The following BLTP1 variants were observed in gnomAD, a reference collection of about 807,000 sequenced individuals.
BLTP1 encodes the protein fragile site-associated protein.
chr4:122,291,161 G>C, the BLTP1 span, among the ~76,000 whole-genome samples: 2 of 152,184 alleles, frequency 1.3e-5, no homozygotes, highest in East Asian at 3.8e-4. Context: ...GCTGTTTACT[G>C]TGAGAGAATC....
At chr4:122,161,377 G>T in the BLTP1 span, among the ~76,000 whole-genome samples, 1 of 151,480 alleles carries the variant, frequency 6.6e-6, no homozygotes, top group Admixed American at 6.6e-5. Context: ...ATACTGTAAT[G>T]AGATCTCTTC....
chr4:122,185,910 T>C, the BLTP1 span: 1 of 708,564 alleles, frequency 1.4e-6, no homozygotes, highest in Non-Finnish European at 2.1e-6. Context: ...TTAATATGCT[T>C]CTCTGTATCA....
At chr4:122,313,736 A>G in the BLTP1 span, 37 of 1,108,652 alleles carry the variant, frequency 3.3e-5, no homozygotes, top group African/African-American at 4.9e-4. Flanking sequence ...TTCTGCCTTT[A>G]TTTTAATGGC....
chr4:122,339,695 A>G, the BLTP1 span, among the ~76,000 whole-genome samples: 2 of 152,136 alleles, frequency 1.3e-5, no homozygotes, highest in Non-Finnish European at 2.9e-5. Context: ...TAACTACTAT[A>G]TAATAATCCA....
the BLTP1 span, among the ~76,000 whole-genome samples, chr4:122,176,422 AT>A: frequency 3.9e-5 from 6 of 152,218 alleles, no homozygotes; most frequent in Non-Finnish European, 1.5e-5. Context: ...AAGGCATCAC[AT>A]TTTACCAAAA....
chr4:122,209,401 T>G, the BLTP1 span: 2 of 1,522,778 alleles, frequency 1.3e-6, no homozygotes, highest in South Asian at 1.2e-5. Flanking sequence ...TCCCAGCACT[T>G]TGGGAGGCCG....
At chr4:122,174,523 C>G in the BLTP1 span, 1 of 1,593,838 alleles carries the variant, frequency 6.3e-7, no homozygotes, top group Non-Finnish European at 8.5e-7. Context: ...AAGGGCCCTA[C>G]TGTCTGTTAA....
the BLTP1 span, chr4:122,274,529 A>G: frequency 1.7e-5 from 25 of 1,491,302 alleles, no homozygotes; most frequent in Non-Finnish European, 2.2e-5. Flanking sequence ...AGGTTTGTAT[A>G]TACAATATCA....
the BLTP1 span, chr4:122,203,847 G>T: frequency 1.9e-6 from 1 of 526,958 alleles, no homozygotes; most frequent in African/African-American, 2.1e-5. Flanking sequence ...CACATGAGTT[G>T]TTAAAGAATA....
chr4:122,168,776 G>A, the BLTP1 span, among the ~76,000 whole-genome samples: 1,863 of 152,120 alleles, frequency 0.012, 38 homozygotes, highest in African/African-American at 0.042. Context: ...TCTAGCTCCT[G>A]CGTTTAGGTT....
the BLTP1 span, among the ~76,000 whole-genome samples, chr4:122,155,692 G>A: frequency 6.6e-6 from 1 of 152,162 alleles, no homozygotes; most frequent in African/African-American, 2.4e-5. Flanking sequence ...TGGGAGCTTA[G>A]CAAAATTAAT....
At chr4:122,222,115 C>T in the BLTP1 span, among the ~76,000 whole-genome samples, 2 of 152,304 alleles carry the variant, frequency 1.3e-5, no homozygotes, top group African/African-American at 4.8e-5. Flanking sequence ...CGATTGTTGA[C>T]AACTTACCCC....
At chr4:122,346,493 G>A in the BLTP1 span, 1 of 1,389,132 alleles carries the variant, frequency 7.2e-7, no homozygotes, top group Non-Finnish European at 9.4e-7. Context: ...ATTTGTGGAA[G>A]AATGTAACAC....
At chr4:122,337,429 G>A in the BLTP1 span, among the ~76,000 whole-genome samples, 2 of 151,978 alleles carry the variant, frequency 1.3e-5, no homozygotes, top group Middle Eastern at 3.4e-3. Flanking sequence ...ATTGAATGTT[G>A]TACTGAAAGT....
chr4:122,185,921 T>G, the BLTP1 span: 1 of 828,568 alleles, frequency 1.2e-6, no homozygotes, highest in Non-Finnish European at 1.7e-6. Context: ...CTCTGTATCA[T>G]GGAATTCTAT....
the BLTP1 span, among the ~76,000 whole-genome samples, chr4:122,213,414 A>C: frequency 6.6e-6 from 1 of 152,078 alleles, no homozygotes; most frequent in Non-Finnish European, 1.5e-5. Context: ...TTGGAAGTTC[A>C]AAAATGTATA....
At chr4:122,219,026 T>A in the BLTP1 span, 2 of 360,704 alleles carry the variant, frequency 5.5e-6, no homozygotes, top group African/African-American at 4.4e-5. Flanking sequence ...GAAAACTGTT[T>A]AACCATGCAA....
chr4:122,180,138 A>C, the BLTP1 span: 1 of 985,326 alleles, frequency 1.0e-6, no homozygotes, highest in Non-Finnish European at 1.2e-6. Flanking sequence ...AACTGGACAA[A>C]GGAGGTAAAT....
chr4:122,271,282 A>G, the BLTP1 span: 4 of 1,614,018 alleles, frequency 2.5e-6, no homozygotes, highest in Non-Finnish European at 3.4e-6. Flanking sequence ...ATGACATCAA[A>G]GCAACTCAGA....
Sources: gnomAD v4.1 joint callset for allele counts (sites outside exome capture counted in the v4.1 genomes callset) on GRCh38, gnomAD v4.1.1 for gene constraint, MANE v1.5 for transcripts, NCBI Gene and HGNC (gene_info 2026-07-23, HGNC 2026-07-21) for gene names.